Variants in MOSPD2 observed in about 807,000 individuals in gnomAD.
MOSPD2 encodes motile sperm domain-containing protein 2.
MOSPD2 carries 5 observed loss-of-function variants against 41.7 expected under a neutral mutation model. The ratio of observed to expected loss-of-function variants is 0.12; its 90% CI spans 0.06 to 0.25. The LOEUF is 0.25. MOSPD2 is among the 10% of genes least tolerant of loss of function. The pLI is 1.00. For synonymous variants in MOSPD2, 115 were observed against 126.9 expected (o/e 0.91, Z 0.63); for missense variants, 282 against 375.2 (o/e 0.75, Z 2.05).
At position 14,877,620 on chromosome X, in the gene MOSPD2, C is replaced by T. The variant is rs183468195; in HGVS notation, c.79+3862C>T. ...CCTCCCAAAGTGCTGGGATTACAGG[C>T]GTGAGCCACCACGCCCGGCCTACAG... On this transcript the variant is annotated intron_variant, in intron 2 of 14. Coordinates refer to ENST00000380492, the MANE Select transcript of MOSPD2 (RefSeq NM_152581.4). Among the ~76,000 whole-genome samples the T allele has an allele frequency of 7.0e-3, 747 of 106,988 alleles. 8 individuals are homozygous for T. The highest frequency in any genetic ancestry group is 0.024 in the African/African-American group (713 of 29,798). 92.9% of individuals were successfully genotyped at this position (106,988 alleles called of 115,157 possible). A position where few individuals can be genotyped will look rare whatever the true frequency, so the allele number is the denominator to read the frequency against.
At chrX:14,915,901 C>A in intron 12 of MOSPD2, 137 bp downstream of exon 12, 2 of 596,541 alleles carry the variant, frequency 3.4e-6, no homozygotes, top group Non-Finnish European at 5.3e-6. Context: ...CCTCACCTCG[C>A]TGTAGACATC....
intron 2 of MOSPD2, among the ~76,000 whole-genome samples, chrX:14,882,773 A>G (rs1019888514): frequency 1.8e-5 from 2 of 110,107 alleles, no homozygotes; most frequent in African/African-American, 6.6e-5. Flanking sequence ...GACTTTTTGC[A>G]ATGCCTGATG....
At chrX:14,894,020 C>T (rs1459270171) in intron 3 of MOSPD2, among the ~76,000 whole-genome samples, 1 of 112,313 alleles carries the variant, frequency 8.9e-6, no homozygotes, top group Non-Finnish European at 1.9e-5. Context: ...TGCTGCCTTG[C>T]TATGTTGGTC....
At chrX:14,910,036 G>A (rs1445656435) in intron 8 of MOSPD2, among the ~76,000 whole-genome samples, 1 of 110,348 alleles carries the variant, frequency 9.1e-6, no homozygotes, top group Non-Finnish European at 1.9e-5. Context: ...TTAATTTTAT[G>A]TATAGAAACG....
chrX:14,920,649 T>C lies in MOSPD2; in HGVS notation c.*840T>C. ...ATTATAAAGGCCTGACCCTCTATTG[T>C]CCCATCTTCACCCCCATTCCAGAGC... On this transcript the variant is annotated 3_prime_UTR_variant, in exon 15 of 15. Coordinates refer to ENST00000380492, the MANE Select transcript of MOSPD2 (RefSeq NM_152581.4). 4.0e-6 allele frequency: 3 copies of C among 753,999 alleles called. No homozygotes were observed. Among genetic ancestry groups the C allele is most frequent in the Non-Finnish European group, 4.7e-6 (3 of 639,152 alleles). 62.1% of individuals were successfully genotyped at this position (753,999 alleles called of 1,213,427 possible). A position where few individuals can be genotyped will look rare whatever the true frequency, so the allele number is the denominator to read the frequency against.
chrX:14,900,694 A>G, intron 6 of MOSPD2, 59 bp downstream of exon 6: 1 of 574,920 alleles, frequency 1.7e-6, no homozygotes, highest in South Asian at 4.3e-5. Flanking sequence ...ACAATGTCTG[A>G]GAATTGTGGA....
At chrX:14,911,460 C>T in intron 9 of MOSPD2, 47 bp downstream of exon 9, 1 of 970,370 alleles carries the variant, frequency 1.0e-6, no homozygotes, top group Non-Finnish European at 1.4e-6. Context: ...TGTGGTCTAT[C>T]CCCAATTCTG....
chrX:14,915,879 T>C, intron 12 of MOSPD2, 115 bp downstream of exon 12: 2 of 675,214 alleles, frequency 3.0e-6, no homozygotes, highest in Non-Finnish European at 4.6e-6. Context: ...ATTAGCAGAG[T>C]ATCACGAGTC....
rs776306599 is a variant in MOSPD2 at position 14,921,564 on chromosome X, A to G, written c.*1755A>G. 1 of 387,910 alleles carries G rather than the reference A, an allele frequency of 2.6e-6. No individual in the cohort carries two copies. Among genetic ancestry groups the G allele is most frequent in the East Asian group, 4.9e-5 (1 of 20,303 alleles). 32.0% of individuals were successfully genotyped at this position (387,910 alleles called of 1,213,427 possible). ...AAATAAATGAAGAAATAATTAGCCA[A>G]GATTGAAAATGTATTGTCCTAACGG... On this transcript the variant is annotated 3_prime_UTR_variant, in exon 15 of 15. Coordinates refer to ENST00000380492, the MANE Select transcript of MOSPD2 (RefSeq NM_152581.4).
chrX:14,891,647 A>C (rs2092554145), intron 2 of MOSPD2, among the ~76,000 whole-genome samples: 2 of 107,749 alleles, frequency 1.9e-5, no homozygotes, highest in South Asian at 8.1e-4. Context: ...AGCTCACTGC[A>C]ACCTCCACCT....
At chrX:14,896,434 A>G (rs776341684) in intron 4 of MOSPD2, among the ~76,000 whole-genome samples, 3 of 111,539 alleles carry the variant, frequency 2.7e-5, no homozygotes, top group Non-Finnish European at 5.7e-5. Context: ...TTCAGTTTCT[A>G]ACTACTACAC....
intron 2 of MOSPD2, among the ~76,000 whole-genome samples, chrX:14,880,197 C>T (rs895931504): frequency 9.1e-6 from 1 of 110,403 alleles, no homozygotes; most frequent in Non-Finnish European, 1.9e-5. Context: ...TATCATTTTC[C>T]TTATAGTGGT....
intron 2 of MOSPD2, among the ~76,000 whole-genome samples, chrX:14,878,692 ATT>A (rs1341395607): frequency 9.1e-6 from 1 of 110,264 alleles, no homozygotes; most frequent in Non-Finnish European, 1.9e-5. Flanking sequence ...TTGGTTTACT[ATT>A]TTTTTTCTTC....
intron 12 of MOSPD2, among the ~76,000 whole-genome samples, chrX:14,915,989 C>A (rs1440801587): frequency 8.9e-6 from 1 of 112,685 alleles, no homozygotes; most frequent in Non-Finnish European, 1.9e-5. Flanking sequence ...TTGTTTCTAA[C>A]AAGTAAAATT....
rs907801894 is a variant in MOSPD2 at position 14,892,835 on chromosome X, G to A, written c.192G>A (p.Met64Ile). The A allele has an allele frequency of 8.3e-7, 1 of 1,205,821 alleles. No individual in the cohort carries two copies. Among genetic ancestry groups the A allele is most frequent in the Admixed American group, 2.2e-5 (1 of 45,519 alleles). ...ATATTGTAGATGAAACACTGAAGAT[G>A]CTCGATGAGAGTTTTCAGTGGAGGA... ...RHNIVDETLK[M>I]LDESFQWRKE... The change falls in exon 3 of 15, where the codon ATG (methionine) becomes ATA (isoleucine). Residue 64 changes from methionine to isoleucine, a missense_variant. Coordinates refer to ENST00000380492, the MANE Select transcript of MOSPD2 (RefSeq NM_152581.4).
Position 14,921,689 on chromosome X carries a change from T to C in MOSPD2, c.*1880T>C. 5.1e-6 allele frequency: 1 copy of C among 195,486 alleles called. No individual in the cohort carries two copies. Among genetic ancestry groups the C allele is most frequent in the Non-Finnish European group, 9.4e-6 (1 of 105,846 alleles). 16.1% of individuals were successfully genotyped at this position (195,486 alleles called of 1,213,427 possible). A position where few individuals can be genotyped will look rare whatever the true frequency, so the allele number is the denominator to read the frequency against. On this transcript the variant is annotated 3_prime_UTR_variant, in exon 15 of 15. Transcript: ENST00000380492. ...ATTTAATAACATATCTTGTTAATGT[T>C]TGTGTGTCTATTAAATGTGACTAAG...
At position 14,905,188 on chromosome X, in the gene MOSPD2, C is replaced by T. The variant is rs924904577; in HGVS notation, c.577+2184C>T. ...AGCAGGGAAAGAATGGATGCTTCCC[C>T]CCTAAGATCAGTAACAAGACAACAC... On this transcript the variant is annotated intron_variant, in intron 7 of 14. Transcript: ENST00000380492. Among the ~76,000 whole-genome samples the T allele has an allele frequency of 2.7e-5, 3 of 111,738 alleles. No individual in the cohort carries two copies. In the Admixed American group the frequency reaches 2.8e-4, roughly 11 times the overall value.
rs769665676 is a variant in MOSPD2, at chrX:14,902,974, G to T, written c.547G>T (p.Val183Leu). The T allele has an allele frequency of 5.2e-6, 6 of 1,158,147 alleles. No homozygotes were observed. The highest frequency in any genetic ancestry group is 7.1e-6 in the Non-Finnish European group (6 of 849,167). Residue 183 changes from valine to leucine, a missense_variant, in exon 7 of 15, where the codon GTG becomes TTG. Val to Leu is a conservative substitution (Grantham distance 32). Around this residue, in one of 3 missense-constraint regions of MOSPD2, gnomAD observed 187 missense variants for 256.6 expected, o/e 0.73. Coordinates refer to ENST00000380492, the MANE Select transcript of MOSPD2 (RefSeq NM_152581.4). ...VYYPKYLSKI[V>L]IFDMPWLMNA... ...TTTTTTTCATCTTTCAGCAAAAATA[G>T]TGATCTTTGATATGCCTTGGTTAAT...
intron 6 of MOSPD2, 94 bp downstream of exon 6, chrX:14,900,729 T>G: frequency 2.5e-6 from 1 of 402,855 alleles, no homozygotes; most frequent in Non-Finnish European, 4.2e-6. Context: ...TAGACTTTCA[T>G]ACCTGAAACT....
Sources: gnomAD v4.1 joint callset for allele counts (sites outside exome capture counted in the v4.1 genomes callset) on GRCh38, gnomAD v4.1.1 for gene constraint, gnomAD v4.1.1 regional missense constraint, MANE v1.5 for transcripts, NCBI Gene and HGNC (gene_info 2026-07-23, HGNC 2026-07-21) for gene names.